The following SSBP3 variants were observed in gnomAD, a reference collection of about 807,000 sequenced individuals.
SSBP3 encodes the protein single stranded DNA binding protein 3.
A neutral mutation model predicts 69.6 loss-of-function variants in SSBP3; 5 were observed. The ratio of observed to expected loss-of-function variants is 0.07; its 90% CI spans 0.04 to 0.15. The LOEUF (loss-of-function observed/expected upper bound fraction) is 0.15. Among genes scored for constraint, SSBP3 ranks in the 10% least tolerant of loss-of-function variants. The pLI, the probability that SSBP3 is intolerant of heterozygous loss-of-function variation, is 1.00. For missense variants in SSBP3, 312 were observed against 534.0 expected, an observed-to-expected ratio of 0.58 and a Z score of 4.10; for synonymous variants, 196 against 193.4, an observed-to-expected ratio of 1.01 and a Z score of -0.11.
chr1:54,342,871 C>T (rs1557548289), intron 4 of SSBP3, among the ~76,000 whole-genome samples: 1 of 152,214 alleles, frequency 6.6e-6, no homozygotes, highest in Non-Finnish European at 1.5e-5. Context: ...CCTTCTGCTG[C>T]CTCCCCTCCC....
At position 54,279,012 on chromosome 1, in the gene SSBP3, C is replaced by T. The variant is rs1258847465; in HGVS notation, c.366+2426G>A. ...CCCCTTGGCAGTGTCCCAGCCTGAG[C>T]GGTTCAGCATCATGGCCAGGAAGGA... On this transcript the variant is annotated intron_variant, in intron 5 of 17. Coordinates refer to ENST00000610401, the Ensembl canonical transcript of SSBP3. 2.6e-5 allele frequency among the ~76,000 whole-genome samples: 4 copies of T among 152,334 alleles called. No homozygotes were observed. In the East Asian group the frequency reaches 7.7e-4, roughly 29 times the overall value.
rs982216417 is a variant in SSBP3 at position 54,343,098 on chromosome 1, T to C, written c.276+58763A>G. ...CGCCTCCACCCGCCTGCGAGCTCCATAGCCCGGATCCTGTACCAGGGGGAT... is the reference window on the plus strand; with the variant it reads ...CGCCTCCACCCGCCTGCGAGCTCCACAGCCCGGATCCTGTACCAGGGGGAT... On this transcript the variant is annotated intron_variant, in intron 4 of 17. Transcript: ENST00000610401. Among the ~76,000 whole-genome samples, 8 of 152,144 alleles carry C rather than the reference T, an allele frequency of 5.3e-5. No individual in the cohort carries two copies. In the South Asian group the frequency reaches 6.2e-4, roughly 12 times the overall value.
In SSBP3 at chr1:54,258,428, C is replaced by A. The variant is rs2100751364; in HGVS notation, c.367-279G>T. 6.6e-6 allele frequency among the ~76,000 whole-genome samples: 1 copy of A among 152,252 alleles called. No individual in the cohort carries two copies. Among genetic ancestry groups the A allele is most frequent in the African/African-American group, 2.4e-5 (1 of 41,542 alleles). ...CTGTCAAAGCACACGGGAGTACAGT[C>A]CTGGACACAGCCTACCCTTGGAGCG... On this transcript the variant is annotated intron_variant, in intron 5 of 17. Transcript: ENST00000610401. The surrounding 1 kb of genome is among the most constrained non-coding windows in gnomAD (Gnocchi z 4.5).
chr1:54,407,385 G>A (rs1649853470), upstream of SSBP3, among the ~76,000 whole-genome samples: 2 of 151,968 alleles, frequency 1.3e-5, no homozygotes, highest in South Asian at 4.1e-4. Context: ...GAGGGGACGA[G>A]AGTCAGGCGT....
At chr1:54,251,720 G>T in intron 8 of SSBP3, 28 bp from the exon 9 acceptor site, 1 of 1,580,810 alleles carries the variant, frequency 6.3e-7, no homozygotes, top group African/African-American at 1.3e-5. Flanking sequence ...CGCGTCATGG[G>T]ATGGCAGGAG....
intron 5 of SSBP3, among the ~76,000 whole-genome samples, chr1:54,263,355 C>A (rs1358670778): frequency 6.6e-6 from 1 of 152,184 alleles, no homozygotes; most frequent in African/African-American, 2.4e-5. Flanking sequence ...TGACAGGAAG[C>A]GCCCACATTA....
chr1:54,241,803 C>T (rs1410847908), intron 11 of SSBP3, among the ~76,000 whole-genome samples: 3 of 152,234 alleles, frequency 2.0e-5, no homozygotes, highest in Admixed American at 6.5e-5. Context: ...CAGCTTTACC[C>T]CACATTCCTC....
At chr1:54,408,683 C>G (rs1172011528), upstream of SSBP3, among the ~76,000 whole-genome samples, 2 of 152,216 alleles carry the variant, frequency 1.3e-5, no homozygotes, top group Non-Finnish European at 2.9e-5. Context: ...AGAAGATATA[C>G]AGTATCTCTT....
chr1:54,372,682 C>T (rs537605025), intron 4 of SSBP3, among the ~76,000 whole-genome samples: 2 of 152,304 alleles, frequency 1.3e-5, no homozygotes, highest in South Asian at 2.1e-4. Flanking sequence ...TGCAGGTTTC[C>T]GACGCTCTTC....
chr1:54,359,953 C>T (rs928047744), intron 4 of SSBP3, among the ~76,000 whole-genome samples: 6 of 152,070 alleles, frequency 3.9e-5, no homozygotes, highest in Admixed American at 3.3e-4. Context: ...CATGACCTCC[C>T]ACCACTACTG....
chr1:54,318,609 A>T (rs1413975881), intron 4 of SSBP3, among the ~76,000 whole-genome samples: 1 of 151,908 alleles, frequency 6.6e-6, no homozygotes, highest in East Asian at 1.9e-4. Flanking sequence ...GCCGAGTCTC[A>T]CCTCCTGGTG....
At chr1:54,411,709 A>G (rs560361726) in intron 1 of SSBP3, among the ~76,000 whole-genome samples, 6 of 150,916 alleles carry the variant, frequency 4.0e-5, no homozygotes, top group African/African-American at 7.3e-5. Context: ...TGGCTAACAC[A>G]GTGAAACCCC....
intron 5 of SSBP3, among the ~76,000 whole-genome samples, chr1:54,275,175 T>A (rs1645261695): frequency 6.6e-6 from 1 of 152,130 alleles, no homozygotes; most frequent in Non-Finnish European, 1.5e-5. Context: ...ACACACCACG[T>A]CTGACCGAGG....
chr1:54,410,185 G>C (rs1332542066), upstream of SSBP3, among the ~76,000 whole-genome samples: 2 of 152,238 alleles, frequency 1.3e-5, no homozygotes, highest in Non-Finnish European at 2.9e-5. Flanking sequence ...GATGTTGCAG[G>C]ACATGCAAGT....
chr1:54,404,902 G>A (rs758240959), exon 2 of SSBP3: 20 of 1,613,008 alleles, frequency 1.2e-5, no homozygotes, highest in African/African-American at 4.0e-5. Flanking sequence ...CCTACGTGCA[G>A]TAAATATTCG....
intron 5 of SSBP3, among the ~76,000 whole-genome samples, chr1:54,276,615 A>C (rs1321413374): frequency 1.7e-4 from 26 of 149,586 alleles, no homozygotes; most frequent in Non-Finnish European, 3.1e-4. Flanking sequence ...TCTCAAAAAA[A>C]AAAAAAAAAA....
At chr1:54,386,916 C>G (rs943560734) in intron 4 of SSBP3, among the ~76,000 whole-genome samples, 2 of 151,932 alleles carry the variant, frequency 1.3e-5, no homozygotes, top group African/African-American at 4.8e-5. Context: ...CTACTTACTA[C>G]TCAACAGGAG....
chr1:54,330,987 A>G (rs1293471505), intron 4 of SSBP3, among the ~76,000 whole-genome samples: 1 of 152,216 alleles, frequency 6.6e-6, no homozygotes, highest in Non-Finnish European at 1.5e-5. Context: ...GCACTGTTAA[A>G]TGGCTTATTA....
At chr1:54,277,829 T>A (rs956621992) in intron 5 of SSBP3, among the ~76,000 whole-genome samples, 1 of 151,822 alleles carries the variant, frequency 6.6e-6, no homozygotes, top group Non-Finnish European at 1.5e-5. Context: ...CTGGACAGTG[T>A]CCCCCTTAAG....
Sources: allele counts gnomAD v4.1 joint callset (sites outside exome capture counted in the v4.1 genomes callset), GRCh38; gene constraint gnomAD v4.1.1; non-coding constraint Gnocchi (gnomAD v3.1); transcripts MANE v1.5; gene names NCBI Gene and HGNC (gene_info 2026-07-23, HGNC 2026-07-21).